The following ARID1A variants were observed in gnomAD, a reference collection of about 807,000 sequenced individuals.
ARID1A encodes the protein AT-rich interaction domain 1A.
Under a neutral mutation model 212.6 loss-of-function variants are expected in ARID1A, and 20 were observed. The observed-to-expected ratio is 0.09, with a 90% CI of 0.07 to 0.14. ARID1A has a LOEUF of 0.14. Among genes scored for constraint, ARID1A ranks in the 10% least tolerant of loss-of-function variants. The pLI is 1.00. For missense variants in ARID1A, 2,587 were observed against 3,059.0 expected (o/e 0.85, Z 3.64); for synonymous variants, 1,376 against 1,222.1 (o/e 1.13, Z -2.63).
intron 4 of ARID1A, among the ~76,000 whole-genome samples, chr1:26,753,748 C>T (rs181091239): frequency 2.6e-5 from 4 of 152,302 alleles, no homozygotes; most frequent in East Asian, 3.9e-4. Flanking sequence ...CAGTTATTTC[C>T]GCAGTCCTTC....
intron 4 of ARID1A, among the ~76,000 whole-genome samples, chr1:26,759,156 TCTC>T (rs1244810512): frequency 6.6e-6 from 1 of 152,178 alleles, no homozygotes; most frequent in Non-Finnish European, 1.5e-5. Context: ...CCAACTTGGA[TCTC>T]CTCCTCCTTG....
intron 1 of ARID1A, among the ~76,000 whole-genome samples, 156 bp downstream of exon 1, chr1:26,697,696 CCTGT>C (rs2080288250): frequency 1.3e-5 from 2 of 152,176 alleles, no homozygotes; most frequent in South Asian, 4.1e-4. Flanking sequence ...AAAATGGCTG[CCTGT>C]CTGCCTTCCT....
At position 26,774,415 on chromosome 1, in the gene ARID1A, G is replaced by A. The variant is rs2081114192; in HGVS notation, c.4188G>A (p.Gly1396=). ...TGTACAGCGTGCCATACAGCACTGG[G>A]CAGGGGCAGCCTCAGCAGCAGCAGT... ...GEMYSVPYST[G]QGQPQQQQLP... The change falls in exon 18 of 20, where the codon GGG becomes GGA. Residue 1396 remains glycine (G), a synonymous_variant. Coordinates refer to ENST00000324856, the MANE Select transcript of ARID1A (RefSeq NM_006015.6). This position sits in a 1 kb window ranked among gnomAD's most constrained non-coding sequence, Gnocchi z 5.6. 1 of 1,612,772 alleles carries A rather than the reference G, an allele frequency of 6.2e-7. No homozygotes were observed. Among genetic ancestry groups the A allele is most frequent in the Non-Finnish European group, 8.5e-7 (1 of 1,179,224 alleles).
At chr1:26,717,400 A>C (rs144583725) in intron 1 of ARID1A, among the ~76,000 whole-genome samples, 2 of 152,324 alleles carry the variant, frequency 1.3e-5, no homozygotes, top group Admixed American at 1.3e-4. Flanking sequence ...ATCCCTGTTT[A>C]CAGATGGTTC....
At chr1:26,775,462 G>A in intron 18 of ARID1A, 115 bp from the exon 19 acceptor site, 1 of 1,477,748 alleles carries the variant, frequency 6.8e-7, no homozygotes, top group South Asian at 1.3e-5. Context: ...CTCCCAGACA[G>A]AAACTGCCTT....
chr1:26,714,199 A>C (rs1348891993), intron 1 of ARID1A, among the ~76,000 whole-genome samples: 1 of 152,114 alleles, frequency 6.6e-6, no homozygotes, highest in South Asian at 2.1e-4. Context: ...GGCCCTGTAT[A>C]CTCCTGGGAT....
chr1:26,771,407 T>A lies in ARID1A; in HGVS notation c.3406+81T>A. 3 of 1,400,888 alleles carry A rather than the reference T, an allele frequency of 2.1e-6. No homozygotes were observed. Among genetic ancestry groups the A allele is most frequent in the Non-Finnish European group, 3.0e-6 (3 of 1,006,360 alleles). The allele number at this position is 1,400,888 out of a possible 1,614,324, so 86.8% of individuals were successfully genotyped here. A position where few individuals can be genotyped will look rare whatever the true frequency, so the allele number is the denominator to read the frequency against. ...CTTATTCAGGATATGAATAAGAGGC[T>A]TATCCAACAGGATATGCCAAGGATC... On this transcript the variant is annotated intron_variant, in intron 12 of 19. Transcript: ENST00000324856. This position sits in a 1 kb window ranked among gnomAD's most constrained non-coding sequence, Gnocchi z 5.4.
rs894707962 is a variant in ARID1A, at chr1:26,761,085, C to T, written c.2150C>T (p.Ala717Val). ...TCTCGCTCAGGACCACTCTCGCCTG[C>T]TGCAGTGCCAGGTACCCTCAAGTGC... ...AQSRSGPLSP[A>V]AVPGNQMPPR... The change falls in exon 5 of 20, where the codon GCT (alanine) becomes GTT (valine). Residue 717 changes from alanine to valine, a missense_variant. Transcript: ENST00000324856. 6.2e-7 allele frequency: 1 copy of T among 1,613,980 alleles called. No homozygotes were observed. The highest frequency in any genetic ancestry group is 1.3e-5 in the African/African-American group (1 of 74,932).
At chr1:26,769,434 C>T (rs1331786605) in intron 11 of ARID1A, 1 of 152,226 alleles carries the variant, frequency 6.6e-6, no homozygotes. Flanking sequence ...TTGAGCTTAT[C>T]TAAAGGATTA....
Position 26,761,390 on chromosome 1 carries a change from A to G in ARID1A, c.2168A>G (p.Gln723Arg). The G allele has an allele frequency of 1.2e-6, 2 of 1,614,224 alleles. No homozygotes were observed. Among genetic ancestry groups the G allele is most frequent in the Non-Finnish European group, 1.7e-6 (2 of 1,180,040 alleles). ...TGTTCTTTGTCTGGAGCAGGCAACCAGATGCCACCTCGGCCACCCAGTGGC... is the reference window on the plus strand; with the variant it reads ...TGTTCTTTGTCTGGAGCAGGCAACCGGATGCCACCTCGGCCACCCAGTGGC... Reference protein sequence around the residue: ...PLSPAAVPGNQMPPRPPSGQS... With the variant: ...PLSPAAVPGNRMPPRPPSGQS... Residue 723 changes from glutamine (Q) to arginine (R), a missense_variant, in exon 6 of 20, where the codon CAG becomes CGG. Gln to Arg is a conservative substitution (Grantham distance 43, BLOSUM62 1). Around this residue, in one of 11 missense-constraint regions of ARID1A, gnomAD observed 674 missense variants for 813.4 expected, o/e 0.83. Transcript: ENST00000324856.
At chr1:26,729,481 C>T in intron 1 of ARID1A, 170 bp from the exon 2 acceptor site, 1 of 705,200 alleles carries the variant, frequency 1.4e-6, no homozygotes, top group Non-Finnish European at 2.4e-6. Flanking sequence ...AATTAGGGTT[C>T]TGAGGCGGGT....
chr1:26,732,005 C>A (rs914721546), intron 3 of ARID1A, among the ~76,000 whole-genome samples: 2 of 152,130 alleles, frequency 1.3e-5, no homozygotes, highest in African/African-American at 2.4e-5. Flanking sequence ...AACTGCCATT[C>A]CATTCTGCTA....
intron 4 of ARID1A, among the ~76,000 whole-genome samples, chr1:26,754,982 G>A (rs1376803807): frequency 6.6e-6 from 1 of 152,150 alleles, no homozygotes; most frequent in Non-Finnish European, 1.5e-5. Flanking sequence ...TTAACCAGGT[G>A]TCTGTAGTCG....
At chr1:26,713,257 A>C (rs895539249) in intron 1 of ARID1A, among the ~76,000 whole-genome samples, 2 of 152,080 alleles carry the variant, frequency 1.3e-5, no homozygotes, top group Non-Finnish European at 2.9e-5. Flanking sequence ...CATTAGTAGA[A>C]TGCAGAGCAC....
intron 1 of ARID1A, among the ~76,000 whole-genome samples, chr1:26,728,721 G>A (rs1479881723): frequency 6.6e-6 from 1 of 152,124 alleles, no homozygotes; most frequent in Non-Finnish European, 1.5e-5. Flanking sequence ...TCTTGTGTGT[G>A]TCTTAAAGGT....
intron 4 of ARID1A, among the ~76,000 whole-genome samples, chr1:26,745,152 G>A (rs2080824828): frequency 6.6e-6 from 1 of 152,188 alleles, no homozygotes; most frequent in South Asian, 2.1e-4. Context: ...CTTGCTCTAG[G>A]CTTGGCCTCC....
At chr1:26,734,593 A>G (rs1489485536) in intron 4 of ARID1A, among the ~76,000 whole-genome samples, 1 of 152,138 alleles carries the variant, frequency 6.6e-6, no homozygotes. Flanking sequence ...TCCATGTGGG[A>G]GGTAAGCTGG....
intron 4 of ARID1A, among the ~76,000 whole-genome samples, chr1:26,739,035 C>T (rs1425635645): frequency 4.0e-5 from 6 of 151,800 alleles, no homozygotes; most frequent in Non-Finnish European, 7.4e-5. Flanking sequence ...TACGGGCACC[C>T]ACCACCACGC....
intron 4 of ARID1A, among the ~76,000 whole-genome samples, chr1:26,749,337 T>A (rs1033101536): frequency 6.6e-6 from 1 of 152,104 alleles, no homozygotes; most frequent in Admixed American, 6.6e-5. Flanking sequence ...CATCTATCCT[T>A]TGCCAGTTCT....
Sources: gnomAD v4.1 joint callset for allele counts (sites outside exome capture counted in the v4.1 genomes callset) on GRCh38, gnomAD v4.1.1 for gene constraint, gnomAD v4.1.1 regional missense constraint, Gnocchi (gnomAD v3.1) non-coding constraint, MANE v1.5 for transcripts, NCBI Gene and HGNC (gene_info 2026-07-23, HGNC 2026-07-21) for gene names.